The following KCNH7 variants were observed in gnomAD, a reference collection of about 807,000 sequenced individuals.
The protein encoded by KCNH7 is voltage-gated inwardly rectifying potassium channel KCNH7.
In KCNH7, 49 loss-of-function variants were observed where a neutral mutation model predicts 120.8. The observed-to-expected ratio is 0.41, with a 90% CI of 0.32 to 0.51. The LOEUF is 0.51. Among genes scored for constraint, KCNH7 ranks in the 20% least tolerant of loss-of-function variants. The pLI is 0.38. For synonymous variants in KCNH7, 547 were observed against 516.1 expected, an observed-to-expected ratio of 1.06 and a Z score of -0.81; for missense variants, 1,097 against 1,446.6, an observed-to-expected ratio of 0.76 and a Z score of 3.92.
At chr2:162,523,742 A>G (rs910392080) in intron 3 of KCNH7, among the ~76,000 whole-genome samples, 1 of 151,854 alleles carries the variant, frequency 6.6e-6, no homozygotes, top group African/African-American at 2.4e-5. Context: ...TCTACTTTCA[A>G]TCATTGATTT....
At chr2:162,491,902 C>T (rs919764190) in intron 6 of KCNH7, among the ~76,000 whole-genome samples, 5 of 152,082 alleles carry the variant, frequency 3.3e-5, no homozygotes, top group African/African-American at 9.7e-5. Flanking sequence ...TCTTTTTCCT[C>T]GAACTCTGTC....
chr2:162,626,368 T>C (rs1415285413), intron 2 of KCNH7, among the ~76,000 whole-genome samples: 1 of 152,120 alleles, frequency 6.6e-6, no homozygotes, highest in African/African-American at 2.4e-5. Flanking sequence ...AATCCAATAC[T>C]AGAAATAATC....
chr2:162,760,379 C>T (rs1021431228), intron 2 of KCNH7, among the ~76,000 whole-genome samples: 1 of 151,970 alleles, frequency 6.6e-6, no homozygotes, highest in Non-Finnish European at 1.5e-5. Context: ...ATAAACTCCT[C>T]CTTGCATTTG....
chr2:162,495,292 C>T (rs775839835), intron 6 of KCNH7, among the ~76,000 whole-genome samples: 3 of 152,044 alleles, frequency 2.0e-5, no homozygotes, highest in Admixed American at 6.6e-5. Flanking sequence ...CTAAAGAGTC[C>T]CTGTACAGGG....
intron 2 of KCNH7, among the ~76,000 whole-genome samples, chr2:162,563,199 G>A (rs932573828): frequency 6.6e-6 from 1 of 152,154 alleles, no homozygotes; most frequent in African/African-American, 2.4e-5. Context: ...GAGGAAATCT[G>A]CTTTCTTCAT....
intron 8 of KCNH7, among the ~76,000 whole-genome samples, chr2:162,429,569 A>T (rs1209136914): frequency 6.6e-6 from 1 of 151,584 alleles, no homozygotes; most frequent in African/African-American, 2.4e-5. Context: ...AATTAAACAC[A>T]GATTCCTATG....
chr2:162,600,401 T>C (rs1449370791), intron 2 of KCNH7, among the ~76,000 whole-genome samples: 1 of 152,076 alleles, frequency 6.6e-6, no homozygotes, highest in African/African-American at 2.4e-5. Flanking sequence ...CATTCACTCA[T>C]GAAAAAACCA....
At chr2:162,397,860 A>G (rs1686959609) in intron 10 of KCNH7, among the ~76,000 whole-genome samples, 1 of 151,900 alleles carries the variant, frequency 6.6e-6, no homozygotes, top group Admixed American at 6.6e-5. Context: ...GATTAGCCTA[A>G]CATCACCTTC....
chr2:162,666,393 C>T (rs1164329516), intron 2 of KCNH7, among the ~76,000 whole-genome samples: 1 of 150,150 alleles, frequency 6.7e-6, no homozygotes, highest in Non-Finnish European at 1.5e-5. Context: ...CCTTCCTAAA[C>T]CATTTCACAA....
chr2:162,460,667 C>G (rs571881928), intron 6 of KCNH7, among the ~76,000 whole-genome samples: 1 of 152,116 alleles, frequency 6.6e-6, no homozygotes. Context: ...TCAGAGAGAC[C>G]GTATGGCTCT....
intron 2 of KCNH7, among the ~76,000 whole-genome samples, chr2:162,568,707 A>C (rs1251279834): frequency 6.6e-6 from 1 of 152,014 alleles, no homozygotes; most frequent in Non-Finnish European, 1.5e-5. Flanking sequence ...AAATATATAT[A>C]AGAAATATAT....
At chr2:162,475,639 G>T (rs1689708657) in intron 6 of KCNH7, among the ~76,000 whole-genome samples, 1 of 152,134 alleles carries the variant, frequency 6.6e-6, no homozygotes, top group Admixed American at 6.5e-5. Context: ...CACGATATAG[G>T]ATATTTATAC....
intron 9 of KCNH7, among the ~76,000 whole-genome samples, chr2:162,421,294 G>C (rs193144013): frequency 1.3e-5 from 2 of 152,262 alleles, no homozygotes; most frequent in African/African-American, 2.4e-5. Context: ...TTTTATTTAT[G>C]ACAATTGTCT....
At chr2:162,639,214 C>T (rs779522688) in intron 2 of KCNH7, among the ~76,000 whole-genome samples, 3 of 152,120 alleles carry the variant, frequency 2.0e-5, no homozygotes, top group Non-Finnish European at 4.4e-5. Context: ...TTATCTAACA[C>T]TAACAGTGAT....
chr2:162,386,333 GT>G (rs879691391), intron 12 of KCNH7, among the ~76,000 whole-genome samples: 1 of 151,676 alleles, frequency 6.6e-6, no homozygotes, highest in African/African-American at 2.4e-5. Context: ...AATTTTCTTT[GT>G]TTTTAACTTC....
At chr2:162,536,777 T>C in intron 3 of KCNH7, 148 bp downstream of exon 3, 1 of 774,272 alleles carries the variant, frequency 1.3e-6, no homozygotes, top group South Asian at 2.5e-5. Context: ...TACCAAAAGG[T>C]AACATGAGCT....
At chr2:162,715,180 T>C (rs1441441442) in intron 2 of KCNH7, among the ~76,000 whole-genome samples, 3 of 152,166 alleles carry the variant, frequency 2.0e-5, no homozygotes, top group African/African-American at 7.2e-5. Flanking sequence ...TTCTGCAAGC[T>C]GTACAGGAAG....
At chr2:162,672,847 C>T (rs1685405043) in intron 2 of KCNH7, among the ~76,000 whole-genome samples, 2 of 151,720 alleles carry the variant, frequency 1.3e-5, no homozygotes, top group South Asian at 2.1e-4. Flanking sequence ...TAAAAGAACA[C>T]ACCAATAAAC....
In KCNH7 at chr2:162,537,024, C is replaced by A; in HGVS notation, c.364G>T (p.Ala122Ser). Residue 122 changes from alanine (A) to serine (S), a missense_variant, in exon 3 of 16, where the codon GCT becomes TCT. By Grantham distance (99) the Ala-to-Ser change is moderately conservative (BLOSUM62 1). Transcript: ENST00000332142. Reference sequence around the variant, plus strand: ...TCAAAATTAATGATGAACATCATAGCCACGCCCTCTTGGTTTTTCACTGGA... The same window carrying A: ...TCAAAATTAATGATGAACATCATAGACACGCCCTCTTGGTTTTTCACTGGA... ...IIPVKNQEGV[A>S]MMFIINFEYV... 1.2e-6 allele frequency: 2 copies of A among 1,612,536 alleles called. No individual in the cohort carries two copies. Among genetic ancestry groups the A allele is most frequent in the Non-Finnish European group, 1.7e-6 (2 of 1,178,964 alleles).
Sources: allele counts gnomAD v4.1 joint callset (sites outside exome capture counted in the v4.1 genomes callset), GRCh38; gene constraint gnomAD v4.1.1; transcripts MANE v1.5; gene names NCBI Gene and HGNC (gene_info 2026-07-23, HGNC 2026-07-21).